The following RAPGEF2 variants were observed in gnomAD, a reference collection of about 807,000 sequenced individuals.
RAPGEF2 encodes Rap guanine nucleotide exchange factor 2, also known as PDZ domain containing guanine nucleotide exchange factor (GEF) 1.
In RAPGEF2, 54 loss-of-function variants were observed where a neutral mutation model predicts 186.7. The ratio of observed to expected loss-of-function variants is 0.29; its 90% CI spans 0.23 to 0.36. RAPGEF2 has a LOEUF of 0.36. RAPGEF2 is among the 10% of genes least tolerant of loss of function. The pLI is 1.00. For missense variants in RAPGEF2, 1,532 were observed against 2,045.0 expected (o/e 0.75, Z 4.84); for synonymous variants, 712 against 705.9 (o/e 1.01, Z -0.14).
chr4:159,198,308 TTCTTTCTTTCTTTCTTTCTTTCTTTC>T (rs1442783097), intron 3 of RAPGEF2, among the ~76,000 whole-genome samples: 3 of 73,770 alleles, frequency 4.1e-5, no homozygotes, highest in East Asian at 5.8e-4. Flanking sequence ...CTTTCTTTCT[TTCTTTCTTTCTTTCTTTCTTTCTTTC>T]TTTTTCTTTC....
intron 8 of RAPGEF2, among the ~76,000 whole-genome samples, chr4:159,307,605 A>G (rs564349586): frequency 9.2e-5 from 14 of 152,342 alleles, no homozygotes; most frequent in Admixed American, 3.3e-4. Context: ...TGAGGTTACA[A>G]TTATCACTGT....
chr4:159,192,293 C>T (rs1194384525), intron 2 of RAPGEF2, among the ~76,000 whole-genome samples: 1 of 151,870 alleles, frequency 6.6e-6, no homozygotes, highest in Non-Finnish European at 1.5e-5. Flanking sequence ...GTGGTGGGAA[C>T]GCGAAGAACA....
chr4:159,154,903 C>T (rs1743957394), intron 1 of RAPGEF2, among the ~76,000 whole-genome samples: 1 of 152,034 alleles, frequency 6.6e-6, no homozygotes, highest in South Asian at 2.1e-4. Context: ...ATCCGTGTAC[C>T]ATAGATATGA....
chr4:159,356,960 A>G (rs1732117462), intron 29 of RAPGEF2, among the ~76,000 whole-genome samples: 2 of 152,252 alleles, frequency 1.3e-5, no homozygotes. Context: ...GAATTTTAGA[A>G]GCATGTAGGA....
chr4:159,319,405 C>A (rs1764978519), intron 9 of RAPGEF2, among the ~76,000 whole-genome samples: 1 of 152,042 alleles, frequency 6.6e-6, no homozygotes, highest in Non-Finnish European at 1.5e-5. Flanking sequence ...ACAGTTTCAT[C>A]CCAAAACTAT....
rs552140824 is a variant in RAPGEF2 at position 159,303,295 on chromosome 4, C to T, written c.544-1047C>T. 3.9e-5 allele frequency among the ~76,000 whole-genome samples: 6 copies of T among 151,902 alleles called. No individual in the cohort carries two copies. In the East Asian group the frequency reaches 5.8e-4, roughly 15 times the overall value. On this transcript the variant is annotated intron_variant, in intron 7 of 29. Coordinates refer to ENST00000691494, the MANE Select transcript of RAPGEF2 (RefSeq NM_001394067.2). Reference sequence around the variant, plus strand: ...GAGGGAATGAGCCTCAAAAGGTGGACGGGAATACTACTAAGGTTAACGTTT... The same window carrying T: ...GAGGGAATGAGCCTCAAAAGGTGGATGGGAATACTACTAAGGTTAACGTTT...
chr4:159,289,570 G>A (rs1373058716), intron 7 of RAPGEF2, among the ~76,000 whole-genome samples: 3 of 152,094 alleles, frequency 2.0e-5, no homozygotes, highest in African/African-American at 7.2e-5. Context: ...TTTAAACTAG[G>A]TAGGGTTACC....
intron 1 of RAPGEF2, among the ~76,000 whole-genome samples, chr4:159,153,141 A>G (rs960206782): frequency 1.3e-5 from 2 of 152,188 alleles, no homozygotes; most frequent in African/African-American, 4.8e-5. Flanking sequence ...AGTAGCCTTC[A>G]CTAGCATGAA....
rs1579189563 is a variant in RAPGEF2, at chr4:159,104,132, G to A, written c.-31G>A. On this transcript the variant is annotated 5_prime_UTR_variant, in exon 1 of 30. Transcript: ENST00000691494. ...GCCGGGAGGAGGCCGGCCAGGGTGC[G>A]GAGCGGCCCCGGCCCGCTCCCAGAG... 1.4e-6 allele frequency: 2 copies of A among 1,458,912 alleles called. No individual in the cohort carries two copies. The highest frequency in any genetic ancestry group is 1.8e-6 in the Non-Finnish European group (2 of 1,098,322). 90.4% of individuals were successfully genotyped at this position (1,458,912 alleles called of 1,614,324 possible).
intron 1 of RAPGEF2, among the ~76,000 whole-genome samples, chr4:159,155,861 GAT>G (rs1406039527): frequency 6.6e-6 from 1 of 150,600 alleles, no homozygotes; most frequent in African/African-American, 2.4e-5. Flanking sequence ...CACAAATTTT[GAT>G]ATGTTTTAGT....
In RAPGEF2 at chr4:159,338,460, C is replaced by G. The variant is rs991309434; in HGVS notation, c.2285C>G (p.Ala762Gly). The G allele has an allele frequency of 6.2e-7, 1 of 1,612,242 alleles. No individual in the cohort carries two copies. The highest frequency in any genetic ancestry group is 8.5e-7 in the Non-Finnish European group (1 of 1,178,528). The change falls in exon 18 of 30, where the codon GCT (alanine) becomes GGT (glycine). Residue 762 changes from alanine (A) to glycine (G), a missense_variant. Around this residue, in one of 4 missense-constraint regions of RAPGEF2, gnomAD observed 810 missense variants for 1,210.5 expected, o/e 0.67. Coordinates refer to ENST00000691494, the MANE Select transcript of RAPGEF2 (RefSeq NM_001394067.2). ...QSHHRILDFS[A>G]TPDLPDQVLR... The stretch of plus-strand genomic sequence containing the variant: ...CATCATCGCATTTTAGACTTCAGTG[C>G]TACTCCTGGTGAGTATCACCAACAC...
intron 7 of RAPGEF2, among the ~76,000 whole-genome samples, chr4:159,300,555 ATG>A (rs1762525923): frequency 6.6e-6 from 1 of 152,124 alleles, no homozygotes; most frequent in Non-Finnish European, 1.5e-5. Context: ...AATACATAAA[ATG>A]TGTTACTTTT....
At chr4:159,306,301 C>T (rs1057444328) in intron 8 of RAPGEF2, among the ~76,000 whole-genome samples, 10 of 152,002 alleles carry the variant, frequency 6.6e-5, no homozygotes, top group Non-Finnish European at 1.5e-5. Context: ...TCTACAATTT[C>T]TTTCATCAGT....
At chr4:159,325,154 G>A (rs1032616178) in intron 11 of RAPGEF2, among the ~76,000 whole-genome samples, 1 of 151,778 alleles carries the variant, frequency 6.6e-6, no homozygotes, top group Non-Finnish European at 1.5e-5. Flanking sequence ...AATTCCACCA[G>A]CTAATTCCGT....
intron 3 of RAPGEF2, among the ~76,000 whole-genome samples, chr4:159,207,054 T>C (rs996491941): frequency 3.3e-5 from 5 of 152,250 alleles, no homozygotes; most frequent in Non-Finnish European, 7.3e-5. Context: ...TGGTAAATGC[T>C]CACTGAATTT....
chr4:159,184,792 G>C (rs1357739898), intron 1 of RAPGEF2, among the ~76,000 whole-genome samples: 1 of 152,112 alleles, frequency 6.6e-6, no homozygotes, highest in Non-Finnish European at 1.5e-5. Flanking sequence ...ATTGCTTTTG[G>C]TGTTTTAGTC....
intron 7 of RAPGEF2, among the ~76,000 whole-genome samples, chr4:159,266,591 T>G (rs984537626): frequency 1.3e-5 from 2 of 152,114 alleles, no homozygotes; most frequent in African/African-American, 4.8e-5. Context: ...AAAAAAAACC[T>G]GGGTAGGTTA....
chr4:159,230,853 A>T (rs1358964148), intron 4 of RAPGEF2, among the ~76,000 whole-genome samples: 4 of 152,122 alleles, frequency 2.6e-5, no homozygotes, highest in Admixed American at 2.6e-4. Context: ...TAAACTACTT[A>T]AGAAGAGGGA....
At chr4:159,233,601 A>G (rs540251676) in intron 4 of RAPGEF2, among the ~76,000 whole-genome samples, 74 of 152,196 alleles carry the variant, frequency 4.9e-4, no homozygotes, top group African/African-American at 1.5e-3. Context: ...TAATGACACA[A>G]TGGACTTTGG....
Sources: gnomAD v4.1 joint callset for allele counts (sites outside exome capture counted in the v4.1 genomes callset) on GRCh38, gnomAD v4.1.1 for gene constraint, gnomAD v4.1.1 regional missense constraint, MANE v1.5 for transcripts, NCBI Gene and HGNC (gene_info 2026-07-23, HGNC 2026-07-21) for gene names.